The following ASAH2 variants were observed in gnomAD, a reference collection of about 807,000 sequenced individuals.
ASAH2 encodes the protein N-acylsphingosine amidohydrolase 2.
Under a neutral mutation model 82.9 loss-of-function variants are expected in ASAH2, and 58 were observed. The observed-to-expected ratio is 0.70, with a 90% confidence interval of 0.57 to 0.87. ASAH2 has a LOEUF of 0.87. Ranked by LOEUF, ASAH2 falls within the 40% of genes least tolerant of loss-of-function variation. The pLI is 0.00. For missense variants in ASAH2, 779 were observed against 834.0 expected, an observed-to-expected ratio of 0.93 and a Z score of 0.81; for synonymous variants, 276 against 289.7, an observed-to-expected ratio of 0.95 and a Z score of 0.48.
At chr10:50,243,158 A>C in intron 4 of ASAH2, 44 bp downstream of exon 4, 1 of 1,607,498 alleles carries the variant, frequency 6.2e-7, no homozygotes, top group Non-Finnish European at 8.5e-7. Context: ...CTTTTCCTTA[A>C]ACCATATCAT....
In ASAH2 at chr10:50,248,518, CAAG is replaced by C; in HGVS notation, c.90_92del (p.Leu31del). 6.2e-7 allele frequency: 1 copy of C among 1,613,776 alleles called. No homozygotes were observed. On this transcript the variant is annotated inframe_deletion, in exon 2 of 21. Coordinates refer to ENST00000682911, the MANE Select transcript of ASAH2 (RefSeq NM_019893.4). ...TTTCAATGGTCCCACTGGTGATAAA[CAAG>C]AGGCTGAGAAGGGCCACTGTGATGG...
chr10:50,198,991 TACAC>T lies in ASAH2; in HGVS notation c.1857+56_1857+59del, dbSNP rs1264348423. 1.0e-3 allele frequency: 1,484 copies of T among 1,429,946 alleles called. 6 individuals carry two copies. The highest frequency in any genetic ancestry group is 3.8e-3 in the African/African-American group (268 of 70,144). The allele number at this position is 1,429,946 out of a possible 1,614,324, so 88.6% of individuals were successfully genotyped here. A position where few individuals can be genotyped will look rare whatever the true frequency, so the allele number is the denominator to read the frequency against. Reference sequence around the variant, plus strand: ...ACCCAGACACAGACACATACAGACATACACACACACACACACACACACGCACGCG... The same window carrying T: ...ACCCAGACACAGACACATACAGACATACACACACACACACACACGCACGCG... On this transcript the variant is annotated intron_variant, in intron 17 of 20. Transcript: ENST00000682911.
At chr10:50,209,001 C>T (rs1407891941) in intron 12 of ASAH2, among the ~76,000 whole-genome samples, 11 of 152,126 alleles carry the variant, frequency 7.2e-5, no homozygotes, top group Non-Finnish European at 1.5e-4. Context: ...CATGTGTCAA[C>T]TAATTTTTAA....
chr10:50,214,833 T>TA lies in ASAH2; in HGVS notation c.1049dup (p.Gly351ArgfsTer20), dbSNP rs1218805266. The TA allele has an allele frequency of 4.3e-6, 7 of 1,613,738 alleles. No individual in the cohort carries two copies. The highest frequency in any genetic ancestry group is 5.9e-6 in the Non-Finnish European group (7 of 1,179,676). ...CAAGAATGTTGGGGGACACATCTCC[T>TA]AGGTTTGATGAAGCAAAGGCTGCTA... is the stretch of plus-strand genomic sequence containing the variant. On this transcript the variant is annotated frameshift_variant, in exon 9 of 21. Transcript: ENST00000682911. LOFTEE classifies it high-confidence loss of function.
At chr10:50,204,117 A>G (rs1379076309) in intron 14 of ASAH2, among the ~76,000 whole-genome samples, 1 of 152,056 alleles carries the variant, frequency 6.6e-6, no homozygotes, top group East Asian at 1.9e-4. Context: ...AGAACAGATC[A>G]TGTAGGAGCT....
intron 12 of ASAH2, among the ~76,000 whole-genome samples, chr10:50,209,785 G>A (rs1240905610): frequency 6.6e-6 from 1 of 152,072 alleles, no homozygotes; most frequent in African/African-American, 2.4e-5. Flanking sequence ...CACATGAAAA[G>A]GTGTTTGACA....
Position 50,245,283 on chromosome 10 carries a change from C to T in ASAH2, c.299G>A (p.Ser100Asn). The T allele has an allele frequency of 6.2e-7, 1 of 1,614,090 alleles. No homozygotes were observed. The highest frequency in any genetic ancestry group is 8.5e-7 in the Non-Finnish European group (1 of 1,180,002). ...TPESPLFQNF[S>N]GYHIGVGRAD... is the part of the protein sequence containing the mutation. Reference sequence around the variant, plus strand: ...TCGTCCAACACCAATATGGTAGCCACTGAAGTTCTGAAATAGAGGAGACTC... The same window carrying T: ...TCGTCCAACACCAATATGGTAGCCATTGAAGTTCTGAAATAGAGGAGACTC... Residue 100 changes from serine (S) to asparagine (N), a missense_variant, in exon 3 of 21, where the codon AGT (serine) becomes AAT (asparagine). Coordinates refer to ENST00000682911, the MANE Select transcript of ASAH2 (RefSeq NM_019893.4).
In ASAH2 at chr10:50,202,925, C is replaced by T; in HGVS notation, c.1666-1G>A. 1 of 1,601,082 alleles carries T rather than the reference C, an allele frequency of 6.2e-7. No homozygotes were observed. The highest frequency in any genetic ancestry group is 8.6e-7 in the Non-Finnish European group (1 of 1,168,620). On this transcript the variant is annotated splice_acceptor_variant, in intron 15 of 20. Transcript: ENST00000682911. LOFTEE classifies it high-confidence loss of function. ...TCTGCATCCCATGAGATGCAAATTC[C>T]TAGGAGAGAAAGGTAAAACCCAATA...
Position 50,200,635 on chromosome 10 carries a change from T to C in ASAH2, c.1762-1489A>G, listed in dbSNP as rs1343937775. Among the ~76,000 whole-genome samples the C allele has an allele frequency of 1.0e-3, 156 of 152,130 alleles. 1 individual carries two copies. Among genetic ancestry groups the C allele is most frequent in the Middle Eastern group, 3.4e-3 (1 of 294 alleles). On this transcript the variant is annotated intron_variant, in intron 16 of 20. Coordinates refer to ENST00000682911, the MANE Select transcript of ASAH2 (RefSeq NM_019893.4). ...TCATGGAAATGTAATCATCTGTTCT[T>C]TTTTCTGTCTTCCTACTAGACCCCC...
intron 7 of ASAH2, among the ~76,000 whole-genome samples, chr10:50,222,804 T>C (rs1433688626): frequency 1.3e-5 from 2 of 152,162 alleles, no homozygotes; most frequent in African/African-American, 4.8e-5. Flanking sequence ...TATAAAGATA[T>C]GCAGAAAGGT....
intron 4 of ASAH2, among the ~76,000 whole-genome samples, chr10:50,241,239 G>A (rs66941844): frequency 0.24 from 35,907 of 152,118 alleles, 6,785 homozygotes; most frequent in African/African-American, 0.51. Flanking sequence ...CAGAATTCCT[G>A]ACCCATAGAT....
intron 4 of ASAH2, among the ~76,000 whole-genome samples, chr10:50,240,791 A>G (rs1846274282): frequency 6.6e-6 from 1 of 152,132 alleles, no homozygotes; most frequent in Admixed American, 6.5e-5. Flanking sequence ...TGTCATTTCC[A>G]CCATGAAAAT....
chr10:50,217,229 C>CTTTTTT (rs878958733), intron 8 of ASAH2, among the ~76,000 whole-genome samples: 2 of 136,906 alleles, frequency 1.5e-5, no homozygotes, highest in Admixed American at 7.5e-5. Context: ...TGTTTTCTTT[C>CTTTTTT]TTTTTTTTTT....
chr10:50,242,093 C>A (rs1273486804), intron 4 of ASAH2, among the ~76,000 whole-genome samples: 1 of 152,034 alleles, frequency 6.6e-6, no homozygotes, highest in African/African-American at 2.4e-5. Context: ...GTTCAGAATC[C>A]AGCTCTACCA....
chr10:50,248,973 G>A (rs1029671671), intron 1 of ASAH2, among the ~76,000 whole-genome samples: 4 of 152,320 alleles, frequency 2.6e-5, no homozygotes, highest in Admixed American at 1.3e-4. Context: ...CATTTATGGC[G>A]ATGATGCTGT....
Position 50,245,217 on chromosome 10 carries a change from C to T in ASAH2, c.360+5G>A, listed in dbSNP as rs1217895941. The T allele has an allele frequency of 1.2e-6, 2 of 1,608,366 alleles. No homozygotes were observed. The highest frequency in any genetic ancestry group is 1.7e-6 in the Non-Finnish European group (2 of 1,174,938). On this transcript the variant is annotated splice_donor_5th_base_variant and intron_variant, in intron 3 of 20. Transcript: ENST00000682911. ...GTCTCCTTAAGGAGCCCATTGTCTA[C>T]TTGCCAAATTGATATCTGCTACTTG...
At position 50,236,912 on chromosome 10, in the gene ASAH2, A is replaced by T. The variant is rs959403269; in HGVS notation, c.511-848T>A. On this transcript the variant is annotated intron_variant, in intron 4 of 20. Coordinates refer to ENST00000682911, the MANE Select transcript of ASAH2 (RefSeq NM_019893.4). ...TATATGAGGTTCTTGTCTTGAAGATATTTTTTTTCTAATGAAAGACAAAGA... is the reference window on the plus strand; with the variant it reads ...TATATGAGGTTCTTGTCTTGAAGATTTTTTTTTTCTAATGAAAGACAAAGA... Among the ~76,000 whole-genome samples, 59 of 152,150 alleles carry T rather than the reference A, an allele frequency of 3.9e-4. 1 individual carries two copies. In the East Asian group the frequency reaches 0.01, roughly 27 times the overall value.
At chr10:50,199,490 A>G (rs1236926704) in intron 16 of ASAH2, among the ~76,000 whole-genome samples, 2 of 151,692 alleles carry the variant, frequency 1.3e-5, no homozygotes, top group Admixed American at 1.3e-4. Flanking sequence ...GAAGAAAAAT[A>G]AAACAAAATA....
intron 2 of ASAH2, among the ~76,000 whole-genome samples, chr10:50,246,984 G>T (rs1846475065): frequency 1.3e-5 from 2 of 152,186 alleles, no homozygotes; most frequent in Admixed American, 6.5e-5. Flanking sequence ...TAGGATTTTT[G>T]TGAGAATTAG....
Sources: gnomAD v4.1 joint callset for allele counts (sites outside exome capture counted in the v4.1 genomes callset) on GRCh38, gnomAD v4.1.1 for gene constraint, MANE v1.5 for transcripts, NCBI Gene and HGNC (gene_info 2026-07-23, HGNC 2026-07-21) for gene names.